The following ARID4B variants were observed in gnomAD, a reference collection of about 807,000 sequenced individuals.
ARID4B encodes AT-rich interactive domain-containing protein 4B.
Under a neutral mutation model 147.5 loss-of-function variants are expected in ARID4B, and 26 were observed. The observed-to-expected ratio is 0.18, with a 90% CI of 0.13 to 0.24. ARID4B has a LOEUF of 0.24. Among genes scored for constraint, ARID4B ranks in the 10% least tolerant of loss-of-function variants. The pLI, the probability that ARID4B is intolerant of heterozygous loss-of-function variation, is 1.00. For missense variants in ARID4B, 1,179 were observed against 1,511.5 expected (o/e 0.78, Z 3.65); for synonymous variants, 512 against 507.9 (o/e 1.01, Z -0.11).
chr1:235,284,424 A>G (rs1225239474), intron 2 of ARID4B, among the ~76,000 whole-genome samples: 1 of 152,220 alleles, frequency 6.6e-6, no homozygotes, highest in Non-Finnish European at 1.5e-5. Flanking sequence ...AAAATTGATG[A>G]TGCAATGTGA....
At position 235,213,913 on chromosome 1, in the gene ARID4B, A is replaced by G. The variant is rs1170546954; in HGVS notation, c.1697T>C (p.Phe566Ser). Reference sequence around the variant, plus strand: ...TTTCATGCCTGGTGGATAGCACTCAAACTCCTCTTCCTCATTGTTGTCATC... The same window carrying G: ...TTTCATGCCTGGTGGATAGCACTCAGACTCCTCTTCCTCATTGTTGTCATC... ...DDDDNNEEEE[F>S]ECYPPGMKVQ... Residue 566 changes from phenylalanine (F) to serine (S), a missense_variant, in exon 17 of 24, where the codon TTT becomes TCT. Phe to Ser is a radical substitution (Grantham distance 155). This residue lies in a region of ARID4B where 204 missense variants were observed against 210.9 expected (regional missense o/e 0.97). Transcript: ENST00000264183. 4.3e-6 allele frequency: 7 copies of G among 1,613,616 alleles called. No homozygotes were observed. Among genetic ancestry groups the G allele is most frequent in the Admixed American group, 3.3e-5 (2 of 59,956 alleles).
In ARID4B at chr1:235,196,014, T is replaced by C. The variant is rs1328919584; in HGVS notation, c.1926+17A>G. On this transcript the variant is annotated intron_variant, in intron 18 of 23. Coordinates refer to ENST00000264183, the MANE Select transcript of ARID4B (RefSeq NM_016374.6). ...CTTTTTAAGAGCTAATAGTGTGTAG[T>C]AAAAACAAGCACTTACCTTTATTTT... The C allele has an allele frequency of 6.5e-7, 1 of 1,529,138 alleles. No individual in the cohort carries two copies. The highest frequency in any genetic ancestry group is 9.0e-7 in the Non-Finnish European group (1 of 1,113,154). The allele number at this position is 1,529,138 out of a possible 1,614,324, so 94.7% of individuals were successfully genotyped here. A position where few individuals can be genotyped will look rare whatever the true frequency, so the allele number is the denominator to read the frequency against.
intron 2 of ARID4B, among the ~76,000 whole-genome samples, chr1:235,308,420 T>A (rs1376263304): frequency 1.3e-5 from 2 of 151,754 alleles, no homozygotes; most frequent in African/African-American, 4.8e-5. Flanking sequence ...TTTTTTCTAA[T>A]TTTTAAGAAA....
At chr1:235,281,168 C>T (rs1330862191) in intron 2 of ARID4B, among the ~76,000 whole-genome samples, 1 of 152,096 alleles carries the variant, frequency 6.6e-6, no homozygotes, top group East Asian at 1.9e-4. Context: ...AGCCTATAAT[C>T]TCAGCACTTT....
intron 2 of ARID4B, among the ~76,000 whole-genome samples, chr1:235,273,325 T>G (rs1671111471): frequency 6.6e-6 from 1 of 152,210 alleles, no homozygotes; most frequent in Admixed American, 6.5e-5. Flanking sequence ...ACTACAAGCA[T>G]GAGCCACCGC....
chr1:235,198,470 T>C (rs945691850), intron 17 of ARID4B, among the ~76,000 whole-genome samples: 4 of 152,212 alleles, frequency 2.6e-5, no homozygotes, highest in African/African-American at 9.7e-5. Context: ...AGATATAATG[T>C]ATGTTGTTTA....
At chr1:235,197,864 C>G (rs2102969882) in intron 17 of ARID4B, among the ~76,000 whole-genome samples, 1 of 152,280 alleles carries the variant, frequency 6.6e-6, no homozygotes, top group Middle Eastern at 3.4e-3. Context: ...ACTGTAGCAT[C>G]TATCCATATA....
chr1:235,277,831 A>G (rs1249183656), intron 2 of ARID4B, among the ~76,000 whole-genome samples: 1 of 152,156 alleles, frequency 6.6e-6, no homozygotes, highest in Non-Finnish European at 1.5e-5. Context: ...CAATTTCAAG[A>G]TGAGTGTAAG....
intron 19 of ARID4B, among the ~76,000 whole-genome samples, chr1:235,189,882 G>GT (rs1664971622): frequency 4.6e-5 from 7 of 151,806 alleles, no homozygotes; most frequent in Admixed American, 4.6e-4. Context: ...CTCAAAAATA[G>GT]TAACAATGAA....
chr1:235,326,990 C>T (rs985299203), intron 1 of ARID4B, 22 bp from the exon 2 acceptor site: 13 of 1,515,188 alleles, frequency 8.6e-6, no homozygotes, highest in Admixed American at 1.7e-5. Flanking sequence ...ACAAAAGACA[C>T]CCAGTCAACA....
chr1:235,218,864 A>ATTTTTT (rs67129831), intron 16 of ARID4B, among the ~76,000 whole-genome samples: 4 of 128,714 alleles, frequency 3.1e-5, no homozygotes, highest in Non-Finnish European at 4.8e-5. Flanking sequence ...ACGCTAAATG[A>ATTTTTT]TTTTTTTTTT....
At chr1:235,172,526 C>T (rs1663440326) in intron 23 of ARID4B, 92 bp downstream of exon 23, 11 of 873,950 alleles carry the variant, frequency 1.3e-5, no homozygotes, top group South Asian at 7.2e-5. Flanking sequence ...TGCAGTGAGC[C>T]GAGATTGCGC....
At position 235,252,816 on chromosome 1, in the gene ARID4B, GA is replaced by G. The variant is rs775185066; in HGVS notation, c.275-8del. On this transcript the variant is annotated splice_polypyrimidine_tract_variant and splice_region_variant and intron_variant, in intron 5 of 23. Transcript: ENST00000264183. ...TCATCTCCGTCATCAAAAACTATGAGAGGGGGTAAAAATGGAAGCTACTGAA... is the reference window on the plus strand; with the variant it reads ...TCATCTCCGTCATCAAAAACTATGAGGGGGGTAAAAATGGAAGCTACTGAA... 9.3e-6 allele frequency: 15 copies of G among 1,606,656 alleles called. No individual in the cohort carries two copies. The highest frequency in any genetic ancestry group is 1.7e-4 in the Middle Eastern group (1 of 6,020).
chr1:235,171,694 C>T (rs1240570262), intron 23 of ARID4B, among the ~76,000 whole-genome samples: 2 of 151,794 alleles, frequency 1.3e-5, no homozygotes. Flanking sequence ...GGCTGGAGTG[C>T]AATGGCATGA....
intron 19 of ARID4B, among the ~76,000 whole-genome samples, chr1:235,188,106 TG>T (rs1214378214): frequency 1.3e-5 from 2 of 151,790 alleles, no homozygotes; most frequent in African/African-American, 2.4e-5. Flanking sequence ...AATATGTGTG[TG>T]GGGGGGTTTG....
At chr1:235,307,257 AAC>A (rs1673638912) in intron 2 of ARID4B, among the ~76,000 whole-genome samples, 1 of 152,188 alleles carries the variant, frequency 6.6e-6, no homozygotes, top group Non-Finnish European at 1.5e-5. Context: ...CAACCTGGGA[AAC>A]ACAGTGAGGC....
chr1:235,219,925 T>C lies in ARID4B; in HGVS notation c.1451A>G (p.Asp484Gly). 6.3e-7 allele frequency: 1 copy of C among 1,587,704 alleles called. No individual in the cohort carries two copies. The highest frequency in any genetic ancestry group is 8.6e-7 in the Non-Finnish European group (1 of 1,160,694). ...NLLESIPTHSDQEKEVNIKKP... is the reference protein window; with the variant it reads ...NLLESIPTHSGQEKEVNIKKP... Reference sequence around the variant, plus strand: ...TTTAATGTTAACTTCTTTTTCCTGATCAGAATGTGTAGGTATAGATTCTAA... The same window carrying C: ...TTTAATGTTAACTTCTTTTTCCTGACCAGAATGTGTAGGTATAGATTCTAA... The change falls in exon 16 of 24, where the codon GAT becomes GGT. Residue 484 changes from aspartate (D) to glycine (G), a missense_variant. Transcript: ENST00000264183.
chr1:235,258,315 G>C (rs12727616), intron 3 of ARID4B, among the ~76,000 whole-genome samples: 44,722 of 152,028 alleles, frequency 0.29, 7,691 homozygotes, highest in South Asian at 0.53. Context: ...CTGGGGGACA[G>C]GGCAAGACTC....
At chr1:235,220,651 G>A (rs1451554481) in intron 14 of ARID4B, 106 bp from the exon 15 acceptor site, 1 of 907,410 alleles carries the variant, frequency 1.1e-6, no homozygotes, top group African/African-American at 1.7e-5. Flanking sequence ...CTCAGATATT[G>A]AGCCATATTA....
Sources: allele counts gnomAD v4.1 joint callset (sites outside exome capture counted in the v4.1 genomes callset), GRCh38; gene constraint gnomAD v4.1.1; regional missense constraint gnomAD v4.1.1; transcripts MANE v1.5; gene names NCBI Gene and HGNC (gene_info 2026-07-23, HGNC 2026-07-21).